Variants in ROBO1 observed in about 807,000 individuals in gnomAD.
ROBO1 encodes roundabout guidance receptor 1, also known as roundabout homolog 1.
In ROBO1, 149 loss-of-function variants were observed where a neutral mutation model predicts 195.9. That is an observed-to-expected ratio of 0.76 (90% confidence interval 0.67 to 0.87). ROBO1 has a LOEUF of 0.87. Ranked by LOEUF, ROBO1 falls within the 40% of genes least tolerant of loss-of-function variation. The pLI is 0.00. For synonymous variants in ROBO1, 816 were observed against 733.2 expected, an observed-to-expected ratio of 1.11 and a Z score of -1.82; for missense variants, 1,933 against 2,068.3, an observed-to-expected ratio of 0.93 and a Z score of 1.27.
intron 4 of ROBO1, among the ~76,000 whole-genome samples, chr3:78,862,201 G>A (rs1215796848): frequency 6.6e-6 from 1 of 152,088 alleles, no homozygotes; most frequent in South Asian, 2.1e-4. Context: ...GGCTCTAAGT[G>A]TGACAGACTC....
At chr3:78,719,587 GTGC>G (rs1403754426) in intron 5 of ROBO1, among the ~76,000 whole-genome samples, 1 of 151,986 alleles carries the variant, frequency 6.6e-6, no homozygotes, top group Admixed American at 6.6e-5. Flanking sequence ...CACATGATAT[GTGC>G]TGTTTTATAA....
chr3:78,848,617 T>G (rs562240501), intron 4 of ROBO1, among the ~76,000 whole-genome samples: 4 of 152,220 alleles, frequency 2.6e-5, no homozygotes, highest in African/African-American at 9.6e-5. Flanking sequence ...GAAGGTGTCC[T>G]GCAAGTCTAG....
intron 1 of ROBO1, among the ~76,000 whole-genome samples, chr3:79,642,185 TA>T (rs1402933377): frequency 1.3e-5 from 2 of 152,090 alleles, no homozygotes; most frequent in African/African-American, 4.8e-5. Flanking sequence ...GTAGTGAAAA[TA>T]ATCAGTGAGC....
intron 1 of ROBO1, among the ~76,000 whole-genome samples, chr3:79,600,529 C>T (rs1944309338): frequency 6.6e-6 from 1 of 151,864 alleles, no homozygotes; most frequent in African/African-American, 2.4e-5. Context: ...CTGGGATTAA[C>T]AACAAACGAA....
chr3:78,682,515 G>A (rs554094220), intron 10 of ROBO1, among the ~76,000 whole-genome samples: 1 of 146,048 alleles, frequency 6.8e-6, no homozygotes, highest in Non-Finnish European at 1.5e-5. Context: ...ATATATGACT[G>A]TGTATATATG....
chr3:79,661,618 C>T (rs759186225), intron 1 of ROBO1, among the ~76,000 whole-genome samples: 31 of 151,914 alleles, frequency 2.0e-4, no homozygotes, highest in Non-Finnish European at 3.7e-4. Context: ...ATTCCTGCCT[C>T]CCTCTATCCC....
intron 3 of ROBO1, among the ~76,000 whole-genome samples, chr3:79,031,181 A>G (rs936336259): frequency 6.6e-6 from 1 of 152,222 alleles, no homozygotes; most frequent in African/African-American, 2.4e-5. Context: ...TAATTTCTAA[A>G]TGCTACCCAA....
intron 3 of ROBO1, among the ~76,000 whole-genome samples, chr3:79,123,616 CAGAAT>C (rs2080161700): frequency 6.6e-6 from 1 of 151,878 alleles, no homozygotes; most frequent in African/African-American, 2.4e-5. Flanking sequence ...ACAAAATATA[CAGAAT>C]AGACTTCCTT....
At chr3:78,709,727 T>A (rs1418399883) in intron 8 of ROBO1, among the ~76,000 whole-genome samples, 1 of 152,166 alleles carries the variant, frequency 6.6e-6, no homozygotes, top group Non-Finnish European at 1.5e-5. Context: ...GGATATTTGC[T>A]CATGGATAAT....
intron 1 of ROBO1, among the ~76,000 whole-genome samples, chr3:79,690,203 GA>G (rs1947259733): frequency 6.6e-6 from 1 of 151,796 alleles, no homozygotes; most frequent in Non-Finnish European, 1.5e-5. Flanking sequence ...ACCTCATATG[GA>G]AAAAAAGATT....
At chr3:79,741,458 T>C (rs1703646581) in intron 1 of ROBO1, among the ~76,000 whole-genome samples, 1 of 152,190 alleles carries the variant, frequency 6.6e-6, no homozygotes, top group Non-Finnish European at 1.5e-5. Flanking sequence ...CAGATTTTGT[T>C]TCCTAGGTAA....
Position 79,490,106 on chromosome 3 carries a change from G to C in ROBO1, c.88+99718C>G, listed in dbSNP as rs1939375734. On this transcript the variant is annotated intron_variant, in intron 2 of 30. Coordinates refer to ENST00000464233, the MANE Select transcript of ROBO1 (RefSeq NM_002941.4). ...GTTGTCATATAAATTCCTCGTCTCT[G>C]TACTAGCCTTGGAGTGGATGCTTTC... is the stretch of plus-strand genomic sequence containing the variant. 2.0e-5 allele frequency among the ~76,000 whole-genome samples: 3 copies of C among 152,124 alleles called. No homozygotes were observed. In the South Asian group the frequency reaches 6.2e-4, roughly 32 times the overall value.
intron 3 of ROBO1, among the ~76,000 whole-genome samples, chr3:79,005,346 T>C (rs1043841104): frequency 2.6e-5 from 4 of 152,204 alleles, no homozygotes; most frequent in African/African-American, 9.6e-5. Flanking sequence ...CCCTGATAGA[T>C]GTCTTACATG....
chr3:79,533,097 G>C (rs957333348), intron 2 of ROBO1: 1 of 439,596 alleles, frequency 2.3e-6, no homozygotes, highest in African/African-American at 2.0e-5. Flanking sequence ...TGGTTCTTTA[G>C]TAGGCTTGAG....
intron 3 of ROBO1, among the ~76,000 whole-genome samples, chr3:79,122,709 T>C (rs1345550371): frequency 1.3e-5 from 2 of 151,936 alleles, no homozygotes; most frequent in Non-Finnish European, 2.9e-5. Flanking sequence ...ACAAATTAGC[T>C]TGCAGTGGAA....
intron 2 of ROBO1, among the ~76,000 whole-genome samples, chr3:79,329,466 C>T (rs1324286397): frequency 2.0e-5 from 3 of 152,160 alleles, no homozygotes; most frequent in Admixed American, 6.5e-5. Context: ...ATGATGCCAT[C>T]ATTTTCAGTT....
intron 2 of ROBO1, among the ~76,000 whole-genome samples, chr3:79,146,038 C>CA (rs33941210): frequency 0.019 from 2,807 of 147,686 alleles, 31 homozygotes; most frequent in Non-Finnish European, 0.025. Flanking sequence ...ATAAAGAAAG[C>CA]AAAAAAAAAA....
At chr3:79,176,440 G>T (rs2081262872) in intron 2 of ROBO1, among the ~76,000 whole-genome samples, 2 of 152,068 alleles carry the variant, frequency 1.3e-5, no homozygotes, top group Non-Finnish European at 2.9e-5. Flanking sequence ...TTGTAGGCTT[G>T]TATATATCTG....
At position 79,681,439 on chromosome 3, in the gene ROBO1, T is replaced by C. The variant is rs1946944983; in HGVS notation, c.-51+86313A>G. Among the ~76,000 whole-genome samples, 5 of 152,054 alleles carry C rather than the reference T, an allele frequency of 3.3e-5. No homozygotes were observed. The South Asian group carries it at 1.0e-3, about 32-fold the overall frequency. Reference sequence around the variant, plus strand: ...AGAGAATATTAAGGATAATGGGCAGTAAGTGCCAGAGGCCACTGGGAAAGG... The same window carrying C: ...AGAGAATATTAAGGATAATGGGCAGCAAGTGCCAGAGGCCACTGGGAAAGG... On this transcript the variant is annotated intron_variant, in intron 1 of 30. Coordinates refer to ENST00000464233, the MANE Select transcript of ROBO1 (RefSeq NM_002941.4).
Sources: gnomAD v4.1 joint callset for allele counts (sites outside exome capture counted in the v4.1 genomes callset) on GRCh38, gnomAD v4.1.1 for gene constraint, MANE v1.5 for transcripts, NCBI Gene and HGNC (gene_info 2026-07-23, HGNC 2026-07-21) for gene names.